ETNK1: variants seen among roughly 807,000 people sequenced by gnomAD.
The protein encoded by ETNK1 is putative protein product of Nbla10396.
A neutral mutation model predicts 45.1 loss-of-function variants in ETNK1; 8 were observed. The ratio of observed to expected loss-of-function variants is 0.18; its 90% CI spans 0.10 to 0.32. The LOEUF (loss-of-function observed/expected upper bound fraction) is 0.32. Among genes scored for constraint, ETNK1 ranks in the 10% least tolerant of loss-of-function variants. The probability of loss-of-function intolerance (pLI) is 1.00; values close to 1 mark genes in which losing one functional copy is unlikely to be tolerated. For synonymous variants in ETNK1, 152 were observed against 151.9 expected (o/e 1.00, Z -0.01); for missense variants, 302 against 430.6 (o/e 0.70, Z 2.64).
intron 6 of ETNK1, among the ~76,000 whole-genome samples, chr12:22,681,116 A>C (rs1457906373): frequency 6.6e-6 from 1 of 152,062 alleles, no homozygotes; most frequent in Admixed American, 6.6e-5. Flanking sequence ...GGGGATGCAA[A>C]TGATGAATGG....
chr12:22,690,451 T>G lies in ETNK1; in HGVS notation c.*5497T>G, dbSNP rs1954294526. On this transcript the variant is annotated 3_prime_UTR_variant, in exon 8 of 8. Transcript: ENST00000266517. ...AGAAAATTAAAAACAGCCTCATTCATGTAACTGGTTAAGTAAAAATACATT... is the reference window on the plus strand; with the variant it reads ...AGAAAATTAAAAACAGCCTCATTCAGGTAACTGGTTAAGTAAAAATACATT... 1 of 152,590 alleles carries G rather than the reference T, an allele frequency of 6.6e-6. No individual in the cohort carries two copies. Among genetic ancestry groups the G allele is most frequent in the Non-Finnish European group, 1.5e-5 (1 of 67,962 alleles). The allele number at this position is 152,590 out of a possible 1,614,324, so 9.5% of individuals were successfully genotyped here. A position where few individuals can be genotyped will look rare whatever the true frequency, so the allele number is the denominator to read the frequency against.
chr12:22,675,258 A>G (rs1386248106), intron 6 of ETNK1, among the ~76,000 whole-genome samples: 1 of 151,476 alleles, frequency 6.6e-6, no homozygotes, highest in African/African-American at 2.4e-5. Context: ...AGGTCTCTCT[A>G]TATTGCCCAG....
At chr12:22,661,790 A>G (rs1954001937) in intron 4 of ETNK1, among the ~76,000 whole-genome samples, 1 of 152,188 alleles carries the variant, frequency 6.6e-6, no homozygotes, top group African/African-American at 2.4e-5. Context: ...GATAATTTCA[A>G]CATTTTTTGA....
intron 4 of ETNK1, among the ~76,000 whole-genome samples, chr12:22,669,094 T>C (rs1230020443): frequency 6.6e-6 from 1 of 152,188 alleles, no homozygotes; most frequent in Admixed American, 6.5e-5. Context: ...GCTAAAGCTA[T>C]CAACAGCTGC....
chr12:22,671,118 T>A, intron 4 of ETNK1, 154 bp from the exon 5 acceptor site: 1 of 615,430 alleles, frequency 1.6e-6, no homozygotes, highest in Non-Finnish European at 2.8e-6. Context: ...GCCATAAAAT[T>A]CACAGCCCCT....
intron 4 of ETNK1, 28 bp downstream of exon 4, chr12:22,661,233 A>T: frequency 6.4e-7 from 1 of 1,561,194 alleles, no homozygotes; most frequent in Non-Finnish European, 8.6e-7. Flanking sequence ...GCAGTAAGTA[A>T]AATTGATTTC....
At chr12:22,655,264 G>A (rs763699934) in intron 2 of ETNK1, among the ~76,000 whole-genome samples, 8 of 151,148 alleles carry the variant, frequency 5.3e-5, no homozygotes, top group Non-Finnish European at 1.0e-4. Flanking sequence ...CACTGCGCCC[G>A]GCCAACTTGT....
chr12:22,675,460 G>T (rs1400492921), intron 6 of ETNK1, among the ~76,000 whole-genome samples: 2 of 151,088 alleles, frequency 1.3e-5, no homozygotes, highest in African/African-American at 2.4e-5. Flanking sequence ...AGCACAAGGG[G>T]TTCTCCCAAC....
intron 1 of ETNK1, among the ~76,000 whole-genome samples, chr12:22,633,292 C>T (rs1222811006): frequency 6.6e-6 from 1 of 152,168 alleles, no homozygotes; most frequent in African/African-American, 2.4e-5. Context: ...TGGTCTTGAA[C>T]TCCTGGCCTC....
chr12:22,631,320 G>T (rs542449912), intron 1 of ETNK1, among the ~76,000 whole-genome samples: 2 of 151,756 alleles, frequency 1.3e-5, no homozygotes, highest in African/African-American at 4.8e-5. Flanking sequence ...GATTACAGGC[G>T]CCTGCCACCA....
At position 22,685,171 on chromosome 12, in the gene ETNK1, G is replaced by C; in HGVS notation, c.*217G>C. 2.4e-6 allele frequency: 1 copy of C among 409,242 alleles called. No individual in the cohort carries two copies. Among genetic ancestry groups the C allele is most frequent in the Non-Finnish European group, 4.4e-6 (1 of 228,270 alleles). 25.4% of individuals were successfully genotyped at this position (409,242 alleles called of 1,614,324 possible). Reference sequence around the variant, plus strand: ...TCCGTATGTGGTGGATTAGAAATGTGTTAAATCTGCAAAAGGTATAAAGAT... The same window carrying C: ...TCCGTATGTGGTGGATTAGAAATGTCTTAAATCTGCAAAAGGTATAAAGAT... On this transcript the variant is annotated 3_prime_UTR_variant, in exon 8 of 8. Transcript: ENST00000266517.
intron 6 of ETNK1, among the ~76,000 whole-genome samples, chr12:22,681,565 G>A (rs754030850): frequency 4.6e-5 from 7 of 151,760 alleles, no homozygotes; most frequent in Non-Finnish European, 8.8e-5. Flanking sequence ...ACCTCTACAA[G>A]CTTTTGTTTT....
In ETNK1 at chr12:22,686,721, A is replaced by C. The variant is rs947357839; in HGVS notation, c.*1767A>C. On this transcript the variant is annotated 3_prime_UTR_variant, in exon 8 of 8. Transcript: ENST00000266517. ...CAATAGAACTTTGCCTAGTTAAGTG[A>C]ATGGAACCAATTAAACAACTAGTAG... The C allele has an allele frequency of 6.6e-6, 1 of 152,260 alleles. No individual in the cohort carries two copies. Among genetic ancestry groups the C allele is most frequent in the African/African-American group, 2.4e-5 (1 of 41,420 alleles). 9.4% of individuals were successfully genotyped at this position (152,260 alleles called of 1,614,324 possible).
intron 7 of ETNK1, 48 bp downstream of exon 7, chr12:22,684,604 G>C (rs1446516362): frequency 8.1e-7 from 1 of 1,230,986 alleles, no homozygotes; most frequent in Middle Eastern, 2.0e-4. Flanking sequence ...GCTTTTGTTT[G>C]GATTAACATT....
At chr12:22,662,320 C>G (rs993316044) in intron 4 of ETNK1, among the ~76,000 whole-genome samples, 3 of 149,676 alleles carry the variant, frequency 2.0e-5, no homozygotes, top group Non-Finnish European at 4.5e-5. Flanking sequence ...ACTCCTGACC[C>G]CAGGTGATCC....
At chr12:22,673,318 A>C (rs1954128954) in intron 5 of ETNK1, among the ~76,000 whole-genome samples, 182 bp from the exon 6 acceptor site, 1 of 152,218 alleles carries the variant, frequency 6.6e-6, no homozygotes, top group Non-Finnish European at 1.5e-5. Context: ...CTTAGTGTTT[A>C]AGCTGAAATA....
Position 22,661,092 on chromosome 12 carries a change from T to C in ETNK1, c.587T>C (p.Ile196Thr). 1 of 1,611,468 alleles carries C rather than the reference T, an allele frequency of 6.2e-7. No individual in the cohort carries two copies. Among genetic ancestry groups the C allele is most frequent in the Non-Finnish European group, 8.5e-7 (1 of 1,179,244 alleles). The change falls in exon 4 of 8, where the codon ATT becomes ACT. Residue 196 changes from isoleucine (I) to threonine (T), a missense_variant. Coordinates refer to ENST00000266517, the MANE Select transcript of ETNK1 (RefSeq NM_018638.5). ...CTAAGTGATATCCCAAGCTCTCAGA[T>C]TCTCCAGGAAGAGATGACTTGGATG... Reference protein sequence around the residue: ...RFLSDIPSSQILQEEMTWMKE... With the variant: ...RFLSDIPSSQTLQEEMTWMKE...
At chr12:22,662,642 C>T (rs1011515123) in intron 4 of ETNK1, among the ~76,000 whole-genome samples, 7 of 152,094 alleles carry the variant, frequency 4.6e-5, no homozygotes, top group Admixed American at 3.9e-4. Context: ...AAGTGATCCT[C>T]CTGCCTTGGC....
At chr12:22,630,089 C>A (rs1467699524) in intron 1 of ETNK1, among the ~76,000 whole-genome samples, 1 of 152,162 alleles carries the variant, frequency 6.6e-6, no homozygotes, top group Non-Finnish European at 1.5e-5. Flanking sequence ...TTTTTGGGGA[C>A]TGAGCATAAT....
Sources: allele counts gnomAD v4.1 joint callset (sites outside exome capture counted in the v4.1 genomes callset), GRCh38; gene constraint gnomAD v4.1.1; transcripts MANE v1.5; gene names NCBI Gene and HGNC (gene_info 2026-07-23, HGNC 2026-07-21).